The following CNBD1 variants were observed in gnomAD, a reference collection of about 807,000 sequenced individuals.
The protein encoded by CNBD1 is cyclic nucleotide-binding domain-containing protein 1.
CNBD1 carries 71 observed loss-of-function variants against 54.4 expected under a neutral mutation model. The observed-to-expected ratio is 1.30, with a 90% CI of 1.08 to 1.59. The LOEUF is 1.59. Among genes scored for constraint, CNBD1 ranks in the 40% most tolerant of loss-of-function variants. The pLI, the probability that CNBD1 is intolerant of heterozygous loss-of-function variation, is 0.00. For synonymous variants in CNBD1, 182 were observed against 170.7 expected (o/e 1.07, Z -0.51); for missense variants, 659 against 518.0 (o/e 1.27, Z -2.64).
At chr8:86,932,209 C>A (rs767672561) in intron 3 of CNBD1, among the ~76,000 whole-genome samples, 3 of 152,152 alleles carry the variant, frequency 2.0e-5, no homozygotes, top group African/African-American at 4.8e-5. Flanking sequence ...TGCCCTAGAC[C>A]CTGTAGGACA....
intron 6 of CNBD1, among the ~76,000 whole-genome samples, chr8:87,281,549 T>TAG (rs1563536637): frequency 0.074 from 58 of 782 alleles, 1 homozygote; most frequent in African/African-American, 0.13. Flanking sequence ...AAGATATATA[T>TAG]ATATATATAT....
chr8:86,982,449 T>C (rs1177247579), intron 4 of CNBD1, among the ~76,000 whole-genome samples: 1 of 152,198 alleles, frequency 6.6e-6, no homozygotes, highest in African/African-American at 2.4e-5. Flanking sequence ...CTGTGATCCA[T>C]TTTAATTGGC....
intron 3 of CNBD1, among the ~76,000 whole-genome samples, chr8:86,919,163 C>T (rs759925098): frequency 1.8e-4 from 27 of 151,976 alleles, no homozygotes; most frequent in Non-Finnish European, 2.9e-4. Context: ...GAAGACAAAA[C>T]GATGTAAACA....
intron 10 of CNBD1, among the ~76,000 whole-genome samples, chr8:87,368,074 A>T (rs9649998): frequency 6.6e-6 from 1 of 151,996 alleles, no homozygotes; most frequent in South Asian, 2.1e-4. Context: ...AGGCAGGAGA[A>T]TTGCTTGAAC....
chr8:87,373,897 C>G (rs1244596921), intron 10 of CNBD1, among the ~76,000 whole-genome samples: 1 of 151,748 alleles, frequency 6.6e-6, no homozygotes, highest in Non-Finnish European at 1.5e-5. Context: ...CTTGTTATCA[C>G]ATTCTATTTC....
chr8:87,016,386 A>G (rs1312741342), intron 4 of CNBD1, among the ~76,000 whole-genome samples: 2 of 151,642 alleles, frequency 1.3e-5, no homozygotes, highest in Non-Finnish European at 2.9e-5. Flanking sequence ...AATAAATGTA[A>G]GGTTTTTGGT....
chr8:87,164,460 C>T lies in CNBD1; in HGVS notation c.432-41533C>T, dbSNP rs558789993. On this transcript the variant is annotated intron_variant, in intron 4 of 10. Coordinates refer to ENST00000518476, the MANE Select transcript of CNBD1 (RefSeq NM_173538.3). The stretch of plus-strand genomic sequence containing the variant: ...GTTGGGAGGTGTTTAATTACTGAGT[C>T]AATTTCTTTACTCATTGATTAATCT... 2.0e-5 allele frequency among the ~76,000 whole-genome samples: 3 copies of T among 151,650 alleles called. No individual in the cohort carries two copies. The South Asian group carries it at 6.2e-4, about 31-fold the overall frequency.
intron 4 of CNBD1, among the ~76,000 whole-genome samples, chr8:87,095,448 G>T (rs1162928455): frequency 6.6e-6 from 1 of 152,154 alleles, no homozygotes; most frequent in Non-Finnish European, 1.5e-5. Flanking sequence ...ACTCTGACTA[G>T]ATTAGATGTC....
At chr8:87,282,720 G>A (rs1035059915) in intron 6 of CNBD1, among the ~76,000 whole-genome samples, 1 of 151,922 alleles carries the variant, frequency 6.6e-6, no homozygotes, top group Non-Finnish European at 1.5e-5. Flanking sequence ...ATTATTCAAA[G>A]TCATGGATGA....
intron 6 of CNBD1, among the ~76,000 whole-genome samples, chr8:87,268,260 A>G (rs914618424): frequency 6.6e-6 from 1 of 152,106 alleles, no homozygotes; most frequent in Admixed American, 6.6e-5. Flanking sequence ...AGATCCATTC[A>G]TGTTGCTGCA....
intron 4 of CNBD1, among the ~76,000 whole-genome samples, chr8:87,161,538 G>A (rs560945490): frequency 1.3e-4 from 20 of 151,934 alleles, no homozygotes; most frequent in African/African-American, 3.4e-4. Flanking sequence ...TAGAGAAGGT[G>A]GACAGCAAAA....
chr8:87,116,792 G>T (rs1811780642), intron 4 of CNBD1, among the ~76,000 whole-genome samples: 1 of 152,048 alleles, frequency 6.6e-6, no homozygotes, highest in Non-Finnish European at 1.5e-5. Flanking sequence ...ACTGCAATGT[G>T]CCAGGAGAGT....
intron 10 of CNBD1, among the ~76,000 whole-genome samples, chr8:87,370,538 T>A (rs554526330): frequency 1.3e-5 from 2 of 152,284 alleles, no homozygotes; most frequent in Admixed American, 6.5e-5. Context: ...TTGAGAAGTG[T>A]CTGTTCATGT....
intron 4 of CNBD1, among the ~76,000 whole-genome samples, chr8:87,137,266 G>T (rs1812275175): frequency 6.7e-6 from 1 of 148,234 alleles, no homozygotes; most frequent in Non-Finnish European, 1.5e-5. Context: ...GCTCTATCTT[G>T]GCTAACTGCA....
intron 3 of CNBD1, among the ~76,000 whole-genome samples, chr8:86,926,321 C>A (rs1018261720): frequency 6.6e-6 from 1 of 152,088 alleles, no homozygotes; most frequent in Admixed American, 6.6e-5. Flanking sequence ...CAGAGGGGAA[C>A]TCTTTAGACC....
At chr8:87,361,806 G>T (rs1810529803) in intron 10 of CNBD1, among the ~76,000 whole-genome samples, 1 of 150,942 alleles carries the variant, frequency 6.6e-6, no homozygotes, top group African/African-American at 2.4e-5. Flanking sequence ...TGGGGGGGTA[G>T]AATTTGAAAT....
chr8:87,135,428 G>A (rs1812208019), intron 4 of CNBD1, among the ~76,000 whole-genome samples: 1 of 151,228 alleles, frequency 6.6e-6, no homozygotes, highest in Non-Finnish European at 1.5e-5. Flanking sequence ...TGTAGATATT[G>A]CTTTAGCAAA....
chr8:87,327,645 C>G (rs945951660), intron 8 of CNBD1, among the ~76,000 whole-genome samples: 3 of 152,208 alleles, frequency 2.0e-5, no homozygotes, highest in Non-Finnish European at 4.4e-5. Flanking sequence ...GAGGCAGTGC[C>G]TCGCCCTGCT....
In CNBD1 at chr8:87,378,971, A is replaced by G. The variant is rs923111137; in HGVS notation, c.1304-3649A>G. ...CTCTCTGTTTGTCTGTTGTTGGTGT[A>G]TAGGAATGCTTGTGATTTTTGCACA... On this transcript the variant is annotated intron_variant, in intron 10 of 10. Transcript: ENST00000518476. 1.1e-4 allele frequency among the ~76,000 whole-genome samples: 17 copies of G among 149,410 alleles called. 1 individual carries two copies. Among genetic ancestry groups the G allele is most frequent in the Admixed American group, 1.1e-3 (16 of 14,854 alleles).
Sources: gnomAD v4.1 joint callset for allele counts (sites outside exome capture counted in the v4.1 genomes callset) on GRCh38, gnomAD v4.1.1 for gene constraint, MANE v1.5 for transcripts, NCBI Gene and HGNC (gene_info 2026-07-23, HGNC 2026-07-21) for gene names.